The following NCKAP5 variants were observed in gnomAD, a reference collection of about 807,000 sequenced individuals.
NCKAP5 encodes the protein nck-associated protein 5.
Under a neutral mutation model 167.0 loss-of-function variants are expected in NCKAP5, and 92 were observed. That is an observed-to-expected ratio of 0.55 (90% confidence interval 0.47 to 0.66). The LOEUF is 0.66. NCKAP5 is among the 30% of genes least tolerant of loss of function. The pLI, the probability that NCKAP5 is intolerant of heterozygous loss-of-function variation, is 0.00. For missense variants in NCKAP5, 2,378 were observed against 2,315.0 expected (o/e 1.03, Z -0.56); for synonymous variants, 891 against 877.4 (o/e 1.02, Z -0.27).
chr2:132,940,692 T>C (rs905469580), intron 8 of NCKAP5, among the ~76,000 whole-genome samples: 2 of 152,116 alleles, frequency 1.3e-5, no homozygotes, highest in Admixed American at 6.5e-5. Context: ...AATGTTAAAT[T>C]TTAAAAAGTA....
intron 4 of NCKAP5, among the ~76,000 whole-genome samples, chr2:133,293,948 T>A (rs1679775454): frequency 6.6e-6 from 1 of 152,214 alleles, no homozygotes; most frequent in African/African-American, 2.4e-5. Flanking sequence ...CAGGGAAAGA[T>A]AATGTGAGGC....
At chr2:132,819,206 C>T (rs1023758308) in intron 11 of NCKAP5, among the ~76,000 whole-genome samples, 1 of 152,168 alleles carries the variant, frequency 6.6e-6, no homozygotes, top group African/African-American at 2.4e-5. Context: ...TGACTTCCCA[C>T]ATGTGTGAAC....
At chr2:133,063,811 T>C (rs895921355) in intron 6 of NCKAP5, among the ~76,000 whole-genome samples, 1 of 152,188 alleles carries the variant, frequency 6.6e-6, no homozygotes, top group Non-Finnish European at 1.5e-5. Flanking sequence ...TTTCAGTTTG[T>C]TCAAAAGTAG....
At chr2:132,709,895 C>T (rs529232598) in intron 19 of NCKAP5, among the ~76,000 whole-genome samples, 1 of 151,982 alleles carries the variant, frequency 6.6e-6, no homozygotes, top group Non-Finnish European at 1.5e-5. Flanking sequence ...AAAATAATGT[C>T]GCTGACACAT....
chr2:133,616,539 C>G, the NCKAP5 span, among the ~76,000 whole-genome samples: 1 of 151,986 alleles, frequency 6.6e-6, no homozygotes, highest in African/African-American at 2.4e-5. Flanking sequence ...CCCAAATAAA[C>G]TAGAAAATCT....
At chr2:133,275,464 T>A (rs1367440292) in intron 4 of NCKAP5, among the ~76,000 whole-genome samples, 1 of 152,080 alleles carries the variant, frequency 6.6e-6, no homozygotes, top group African/African-American at 2.4e-5. Context: ...AACTTCAGTA[T>A]GTTCTGGAAA....
At chr2:133,573,929 A>G in the NCKAP5 span, among the ~76,000 whole-genome samples, 6 of 152,208 alleles carry the variant, frequency 3.9e-5, no homozygotes, top group African/African-American at 4.8e-5. Context: ...TGCAAGTTGC[A>G]TTCCTTTTAA....
the NCKAP5 span, among the ~76,000 whole-genome samples, chr2:133,607,783 T>A: frequency 1.3e-5 from 2 of 152,194 alleles, no homozygotes; most frequent in African/African-American, 4.8e-5. Flanking sequence ...CAGACAAGTA[T>A]GATTCAAACC....
chr2:133,000,923 G>A (rs1003227745), intron 6 of NCKAP5, among the ~76,000 whole-genome samples: 3 of 152,086 alleles, frequency 2.0e-5, no homozygotes, highest in African/African-American at 7.2e-5. Context: ...TTCTAGTATA[G>A]GCAAAATTAG....
chr2:132,835,918 A>G (rs1687858478), intron 11 of NCKAP5, among the ~76,000 whole-genome samples: 1 of 152,230 alleles, frequency 6.6e-6, no homozygotes, highest in South Asian at 2.1e-4. Context: ...AATAATAATC[A>G]TAGCTAAGGC....
At chr2:132,999,929 C>T (rs1316885356) in intron 6 of NCKAP5, among the ~76,000 whole-genome samples, 6 of 152,208 alleles carry the variant, frequency 3.9e-5, no homozygotes, top group South Asian at 2.1e-4. Context: ...TTCTCCCCAA[C>T]TCACACTGAT....
At position 132,926,621 on chromosome 2, in the gene NCKAP5, C is replaced by T. The variant is rs375250420; in HGVS notation, c.579+37099G>A. 7.2e-5 allele frequency among the ~76,000 whole-genome samples: 11 copies of T among 152,012 alleles called. No individual in the cohort carries two copies. In the East Asian group the frequency reaches 2.1e-3, roughly 29 times the overall value. ...ATTGTGGTTTTAATTTGCATTTCTC[C>T]AGTAATTAATGTTTAGCATTTTTTT... On this transcript the variant is annotated intron_variant, in intron 8 of 19. Transcript: ENST00000409261.
chr2:132,854,783 C>T (rs1427827109), intron 11 of NCKAP5, among the ~76,000 whole-genome samples: 1 of 152,170 alleles, frequency 6.6e-6, no homozygotes, highest in African/African-American at 2.4e-5. Context: ...ACTTTGGGTG[C>T]TCCCAATTTG....
intron 3 of NCKAP5, among the ~76,000 whole-genome samples, chr2:133,438,827 T>A (rs1340090443): frequency 2.6e-5 from 4 of 152,242 alleles, no homozygotes; most frequent in African/African-American, 9.6e-5. Context: ...CTATCCTATG[T>A]TATTTTTTAC....
intron 4 of NCKAP5, among the ~76,000 whole-genome samples, chr2:133,271,148 G>A (rs1440505214): frequency 6.7e-6 from 1 of 149,950 alleles, no homozygotes; most frequent in Non-Finnish European, 1.5e-5. Context: ...TAGCCAGGAT[G>A]GTCTTGATCT....
intron 4 of NCKAP5, among the ~76,000 whole-genome samples, chr2:133,239,647 A>T (rs2087587514): frequency 6.6e-6 from 1 of 152,206 alleles, no homozygotes; most frequent in Non-Finnish European, 1.5e-5. Context: ...GATTTCCTTC[A>T]AATCCTGCTA....
Position 132,782,872 on chromosome 2 carries a change from G to T in NCKAP5, c.3939C>A (p.Thr1313=). 1 of 1,613,922 alleles carries T rather than the reference G, an allele frequency of 6.2e-7. No individual in the cohort carries two copies. The highest frequency in any genetic ancestry group is 1.1e-5 in the South Asian group (1 of 91,060). ...TNTAERGNSL[T]RQNSSTESSP... ...AGCTTTCCGTGGAAGAGTTCTGCCGGGTAAGAGAATTGCCTCTCTCGGCGG... is the reference window on the plus strand; with the variant it reads ...AGCTTTCCGTGGAAGAGTTCTGCCGTGTAAGAGAATTGCCTCTCTCGGCGG... Residue 1313 remains threonine, a synonymous_variant, in exon 14 of 20, where the codon ACC becomes ACA. Coordinates refer to ENST00000409261, the MANE Select transcript of NCKAP5 (RefSeq NM_207363.3).
chr2:133,014,435 C>A (rs529683902), intron 6 of NCKAP5, among the ~76,000 whole-genome samples: 1 of 152,324 alleles, frequency 6.6e-6, no homozygotes, highest in Non-Finnish European at 1.5e-5. Context: ...CAAATGGATT[C>A]CTGCTGCATT....
intron 16 of NCKAP5, among the ~76,000 whole-genome samples, chr2:132,746,078 T>C (rs1279990198): frequency 1.3e-5 from 2 of 151,956 alleles, no homozygotes; most frequent in Non-Finnish European, 2.9e-5. Flanking sequence ...CGTTGACACA[T>C]TGATTCTAAA....
Sources: gnomAD v4.1 joint callset for allele counts (sites outside exome capture counted in the v4.1 genomes callset) on GRCh38, gnomAD v4.1.1 for gene constraint, MANE v1.5 for transcripts, NCBI Gene and HGNC (gene_info 2026-07-23, HGNC 2026-07-21) for gene names.